Variants in LRRFIP2 observed in about 807,000 individuals in gnomAD.
LRRFIP2 encodes leucine-rich repeat flightless-interacting protein 2.
In LRRFIP2, 109 loss-of-function variants were observed where a neutral mutation model predicts 125.9. The ratio of observed to expected loss-of-function variants is 0.87; its 90% CI spans 0.74 to 1.01. The LOEUF is 1.01. Among genes scored for constraint, LRRFIP2 ranks in the 50% least tolerant of loss-of-function variants. The pLI is 0.00. For missense variants in LRRFIP2, 850 were observed against 862.3 expected, an observed-to-expected ratio of 0.99 and a Z score of 0.18; for synonymous variants, 291 against 293.1, an observed-to-expected ratio of 0.99 and a Z score of 0.07.
At chr3:37,083,437 T>C (rs1270141136) in intron 19 of LRRFIP2, among the ~76,000 whole-genome samples, 199 bp downstream of exon 19, 1 of 152,134 alleles carries the variant, frequency 6.6e-6, no homozygotes, top group African/African-American at 2.4e-5. Flanking sequence ...GACATAAGCT[T>C]TTCCTCAAGA....
At chr3:37,076,782 C>T (rs1014395315) in intron 19 of LRRFIP2, among the ~76,000 whole-genome samples, 1 of 151,390 alleles carries the variant, frequency 6.6e-6, no homozygotes, top group Non-Finnish European at 1.5e-5. Context: ...AGGAGAATTG[C>T]TTGAACCTGG....
intron 2 of LRRFIP2, among the ~76,000 whole-genome samples, chr3:37,132,133 A>G (rs966258897): frequency 3.9e-5 from 6 of 152,002 alleles, no homozygotes; most frequent in Admixed American, 1.3e-4. Context: ...GTTTCTTATT[A>G]GAGTTTTTTT....
chr3:37,102,665 AT>A (rs901668876), intron 15 of LRRFIP2, among the ~76,000 whole-genome samples: 2 of 151,104 alleles, frequency 1.3e-5, no homozygotes, highest in Non-Finnish European at 3.0e-5. Flanking sequence ...CACCCAGCTA[AT>A]TTTTTTTGTA....
Position 37,065,905 on chromosome 3 carries a change from T to C in LRRFIP2, c.1604A>G (p.Asn535Ser), listed in dbSNP as rs373309350. ...CACTGGTTCATGACTGACATCACCA[T>C]TGGGAGTGCCATCGGGGATTATAAC... Reference protein sequence around the residue: ...GLVIIPDGTPNGDVSHEPVAG... With the variant: ...GLVIIPDGTPSGDVSHEPVAG... Residue 535 changes from asparagine (N) to serine (S), a missense_variant, in exon 23 of 28, where the codon AAT becomes AGT. Asn to Ser is a conservative substitution (Grantham distance 46). Coordinates refer to ENST00000336686, the MANE Select transcript of LRRFIP2 (RefSeq NM_006309.4). The C allele has an allele frequency of 4.0e-5, 64 of 1,614,090 alleles. No homozygotes were observed. The highest frequency in any genetic ancestry group is 8.8e-5 in the South Asian group (8 of 91,078).
At chr3:37,085,591 T>A (rs2092985215) in intron 18 of LRRFIP2, among the ~76,000 whole-genome samples, 1 of 151,794 alleles carries the variant, frequency 6.6e-6, no homozygotes, top group South Asian at 2.1e-4. Context: ...AAAACTTTTT[T>A]TTTTTTTCGA....
chr3:37,098,278 T>C, intron 15 of LRRFIP2, among the ~76,000 whole-genome samples: 1 of 150,546 alleles, frequency 6.6e-6, no homozygotes, highest in South Asian at 2.1e-4. Context: ...GCGATTGAAA[T>C]GTTTTTTTTT....
intron 4 of LRRFIP2, among the ~76,000 whole-genome samples, chr3:37,123,535 G>A (rs1205863304): frequency 5.3e-5 from 8 of 152,200 alleles, no homozygotes; most frequent in Admixed American, 1.3e-4. Context: ...TAGTCTGCAA[G>A]AAGCCAAGAA....
At chr3:37,091,586 A>T (rs2149177666) in intron 17 of LRRFIP2, 48 bp from the exon 18 acceptor site, 1 of 1,313,956 alleles carries the variant, frequency 7.6e-7, no homozygotes, top group East Asian at 2.4e-5. Context: ...GCACAAACGT[A>T]TCTTAAATCG....
At chr3:37,095,195 T>C (rs1056606338) in intron 16 of LRRFIP2, among the ~76,000 whole-genome samples, 15 of 152,228 alleles carry the variant, frequency 9.9e-5, no homozygotes, top group African/African-American at 3.6e-4. Flanking sequence ...TCTAAGTTTA[T>C]CTTTGCTATC....
intron 15 of LRRFIP2, among the ~76,000 whole-genome samples, chr3:37,102,239 A>G (rs984257565): frequency 2.6e-5 from 4 of 152,160 alleles, no homozygotes; most frequent in Non-Finnish European, 4.4e-5. Flanking sequence ...TCAGTTACAG[A>G]TACATATTGA....
chr3:37,123,881 C>A (rs956676160), intron 4 of LRRFIP2, among the ~76,000 whole-genome samples: 1 of 152,056 alleles, frequency 6.6e-6, no homozygotes, highest in African/African-American at 2.4e-5. Flanking sequence ...AATTATGCCC[C>A]TTATATTAAT....
intron 17 of LRRFIP2, among the ~76,000 whole-genome samples, chr3:37,091,825 A>T (rs1441553668): frequency 6.6e-6 from 1 of 152,200 alleles, no homozygotes; most frequent in African/African-American, 2.4e-5. Flanking sequence ...CTATATATGG[A>T]GGAAAAAGCT....
rs562557749 is a variant in LRRFIP2, at chr3:37,056,040, G to A, written c.1871-875C>T. Among the ~76,000 whole-genome samples the A allele has an allele frequency of 1.4e-4, 21 of 151,976 alleles. 1 individual carries two copies. The highest frequency in any genetic ancestry group is 1.0e-3 in the East Asian group (5 of 5,016). ...ACATTTGTCATGCTTTTTAAACATC[G>A]TATGTGTAAGCAAGAAGAGGGGCCC... On this transcript the variant is annotated intron_variant, in intron 25 of 27. Coordinates refer to ENST00000336686, the MANE Select transcript of LRRFIP2 (RefSeq NM_006309.4).
Position 37,098,395 on chromosome 3 carries a change from TTC to T in LRRFIP2, c.874-1737_874-1736del, listed in dbSNP as rs1325312601. ...TTAACTTTAATTTTTTTTCTTTTTTTTCTTTTTTTTGAGACAGGGTCTCACTC... is the reference window on the plus strand; with the variant it reads ...TTAACTTTAATTTTTTTTCTTTTTTTTTTTTTTTGAGACAGGGTCTCACTC... On this transcript the variant is annotated intron_variant, in intron 15 of 27. Coordinates refer to ENST00000336686, the MANE Select transcript of LRRFIP2 (RefSeq NM_006309.4). 1.1e-4 allele frequency among the ~76,000 whole-genome samples: 16 copies of T among 150,700 alleles called. 1 individual carries two copies. The highest frequency in any genetic ancestry group is 1.3e-4 in the Non-Finnish European group (9 of 67,444).
chr3:37,054,848 AATG>A (rs1237680085), intron 26 of LRRFIP2, among the ~76,000 whole-genome samples: 1 of 151,914 alleles, frequency 6.6e-6, no homozygotes, highest in Non-Finnish European at 1.5e-5. Context: ...TTTTATTACA[AATG>A]ATGATCTTGA....
intron 13 of LRRFIP2, 24 bp from the exon 14 acceptor site, chr3:37,105,547 T>C: frequency 6.3e-7 from 1 of 1,588,606 alleles, no homozygotes; most frequent in Non-Finnish European, 8.6e-7. Flanking sequence ...ATGCAGATAA[T>C]GAAAAAGATG....
At chr3:37,116,791 T>C (rs987706019) in intron 6 of LRRFIP2, among the ~76,000 whole-genome samples, 4 of 152,176 alleles carry the variant, frequency 2.6e-5, no homozygotes, top group Admixed American at 2.6e-4. Flanking sequence ...CCTCAAAAAA[T>C]AAATTCCATA....
intron 19 of LRRFIP2, among the ~76,000 whole-genome samples, chr3:37,075,475 A>G (rs2091892928): frequency 6.6e-6 from 1 of 152,214 alleles, no homozygotes; most frequent in Non-Finnish European, 1.5e-5. Context: ...TATTAAATAA[A>G]AAACATACAT....
intron 2 of LRRFIP2, among the ~76,000 whole-genome samples, chr3:37,142,227 T>C (rs1171183826): frequency 7.0e-6 from 1 of 141,898 alleles, no homozygotes; most frequent in African/African-American, 2.6e-5. Context: ...AGCCTCAACC[T>C]CCCTGGGCTC....
Sources: allele counts gnomAD v4.1 joint callset (sites outside exome capture counted in the v4.1 genomes callset), GRCh38; gene constraint gnomAD v4.1.1; transcripts MANE v1.5; gene names NCBI Gene and HGNC (gene_info 2026-07-23, HGNC 2026-07-21).